The following APLP2 variants were observed in gnomAD, a reference collection of about 807,000 sequenced individuals.
APLP2 encodes the protein amyloid beta precursor like protein 2.
Under a neutral mutation model 89.9 loss-of-function variants are expected in APLP2, and 53 were observed. That is an observed-to-expected ratio of 0.59 (90% CI 0.47 to 0.74). The LOEUF is 0.74. Ranked by LOEUF, APLP2 falls within the 30% of genes least tolerant of loss-of-function variation. The probability of loss-of-function intolerance (pLI) is 0.00; values close to 1 mark genes in which losing one functional copy is unlikely to be tolerated. For missense variants in APLP2, 973 were observed against 975.9 expected, an observed-to-expected ratio of 1.00 and a Z score of 0.04; for synonymous variants, 372 against 348.6, an observed-to-expected ratio of 1.07 and a Z score of -0.75.
At chr11:130,132,096 G>A (rs1030062525) in intron 11 of APLP2, among the ~76,000 whole-genome samples, 2 of 152,058 alleles carry the variant, frequency 1.3e-5, no homozygotes, top group South Asian at 2.1e-4. Context: ...GCAGTCTCCC[G>A]CTCTGTGGTT....
chr11:130,111,661 G>T (rs900549657), intron 3 of APLP2, among the ~76,000 whole-genome samples: 1 of 152,102 alleles, frequency 6.6e-6, no homozygotes, highest in Non-Finnish European at 1.5e-5. Context: ...TAAAATATTC[G>T]TGAGGAGCAA....
At chr11:130,074,605 T>C (rs1433237638) in intron 1 of APLP2, among the ~76,000 whole-genome samples, 1 of 152,198 alleles carries the variant, frequency 6.6e-6, no homozygotes, top group Non-Finnish European at 1.5e-5. Flanking sequence ...ATTCTATAGG[T>C]AGTACATATT....
chr11:130,091,536 C>T (rs1466030169), intron 1 of APLP2, among the ~76,000 whole-genome samples: 7 of 134,246 alleles, frequency 5.2e-5, no homozygotes, highest in Admixed American at 1.5e-4. Flanking sequence ...GCTGGCCGGG[C>T]GGGGGGCTGA....
At chr11:130,135,352 C>G (rs57165964) in intron 12 of APLP2, among the ~76,000 whole-genome samples, 8,802 of 152,184 alleles carry the variant, frequency 0.058, 310 homozygotes, top group East Asian at 0.14. Context: ...GTGGATACCA[C>G]TTAACTGGAG....
At chr11:130,089,818 C>T (rs942120753) in intron 1 of APLP2, among the ~76,000 whole-genome samples, 3 of 152,242 alleles carry the variant, frequency 2.0e-5, no homozygotes, top group African/African-American at 7.2e-5. Context: ...GGCGCTCCCT[C>T]TGTGTGCATG....
At position 130,083,025 on chromosome 11, in the gene APLP2, TC is replaced by T. The variant is rs145369174; in HGVS notation, c.105+12944del. Among the ~76,000 whole-genome samples, 780 of 126,236 alleles carry T rather than the reference TC, an allele frequency of 6.2e-3. 47 individuals are homozygous for T. The highest frequency in any genetic ancestry group is 0.014 in the East Asian group (53 of 3,746). The allele number at this position is 126,236 out of a possible 152,430, so 82.8% of individuals were successfully genotyped here. A position where few individuals can be genotyped will look rare whatever the true frequency, so the allele number is the denominator to read the frequency against. ...ATATTAACCACTGAAACTTTTCTTTTCTTTTTTTTTTTTTTTTTTTTTTTTT... is the reference window on the plus strand; with the variant it reads ...ATATTAACCACTGAAACTTTTCTTTTTTTTTTTTTTTTTTTTTTTTTTTTT... On this transcript the variant is annotated intron_variant, in intron 1 of 16. Coordinates refer to ENST00000338167, the MANE Select transcript of APLP2 (RefSeq NM_001142276.2).
intron 1 of APLP2, among the ~76,000 whole-genome samples, chr11:130,101,211 C>G (rs1242727589): frequency 6.6e-6 from 1 of 152,240 alleles, no homozygotes; most frequent in Non-Finnish European, 1.5e-5. Context: ...GAGTCTCGCT[C>G]TGTCGCCCAG....
rs186353286 is a variant in APLP2, at chr11:130,105,609, T to C, written c.106-3820T>C. On this transcript the variant is annotated intron_variant, in intron 1 of 16. Coordinates refer to ENST00000338167, the MANE Select transcript of APLP2 (RefSeq NM_001142276.2). ...AAGAAAGTTTTGCAGTTGGGGACTCTTATGGCTATAACCACGAGTAATGGA... is the reference window on the plus strand; with the variant it reads ...AAGAAAGTTTTGCAGTTGGGGACTCCTATGGCTATAACCACGAGTAATGGA... Among the ~76,000 whole-genome samples, 5 of 152,304 alleles carry C rather than the reference T, an allele frequency of 3.3e-5. No individual in the cohort carries two copies. The East Asian group carries it at 9.6e-4, about 29-fold the overall frequency.
chr11:130,138,106 A>G (rs1035025626), intron 13 of APLP2, among the ~76,000 whole-genome samples: 1 of 152,218 alleles, frequency 6.6e-6, no homozygotes, highest in Non-Finnish European at 1.5e-5. Context: ...GTGTCACGGG[A>G]TCCCCCAGGT....
intron 1 of APLP2, chr11:130,100,120 A>ATTGTCAT: frequency 6.6e-6 from 1 of 152,360 alleles, no homozygotes; most frequent in East Asian, 1.9e-4. Flanking sequence ...TGTAGTTATT[A>ATTGTCAT]TTGTCATTAC....
At chr11:130,105,347 T>C (rs1591801290) in intron 1 of APLP2, among the ~76,000 whole-genome samples, 2 of 151,650 alleles carry the variant, frequency 1.3e-5, no homozygotes, top group South Asian at 4.2e-4. Context: ...GCCCAGGGGG[T>C]CGAGACTGTA....
chr11:130,085,671 C>T (rs1943998475), intron 1 of APLP2, among the ~76,000 whole-genome samples: 1 of 152,186 alleles, frequency 6.6e-6, no homozygotes, highest in Non-Finnish European at 1.5e-5. Flanking sequence ...CATTGTGCAA[C>T]CATCCCCGCT....
rs1018658590 is a variant in APLP2, at chr11:130,070,752, G to T, written c.105+670G>T. 5.6e-6 allele frequency: 8 copies of T among 1,428,022 alleles called. No homozygotes were observed. The African/African-American group carries it at 1.0e-4, about 19-fold the overall frequency. The allele number at this position is 1,428,022 out of a possible 1,614,324, so 88.5% of individuals were successfully genotyped here. A position where few individuals can be genotyped will look rare whatever the true frequency, so the allele number is the denominator to read the frequency against. On this transcript the variant is annotated intron_variant, in intron 1 of 16. Coordinates refer to ENST00000338167, the MANE Select transcript of APLP2 (RefSeq NM_001142276.2). ...GACCGAGGAAACCCGCTCTGGGTGC[G>T]TTGACCGCTTTCGTGAGGGTTTCAG...
intron 13 of APLP2, among the ~76,000 whole-genome samples, chr11:130,136,059 G>A (rs1011801503): frequency 5.9e-5 from 9 of 152,156 alleles, no homozygotes; most frequent in East Asian, 5.8e-4. Context: ...TTGCCCAGCC[G>A]TCTTGGGAGG....
At chr11:130,089,665 A>G (rs1313279236) in intron 1 of APLP2, among the ~76,000 whole-genome samples, 3 of 152,188 alleles carry the variant, frequency 2.0e-5, no homozygotes, top group Non-Finnish European at 2.9e-5. Context: ...ACAGAAATTT[A>G]TTGTTTCACT....
chr11:130,104,740 C>T (rs1224125001), intron 1 of APLP2, among the ~76,000 whole-genome samples: 3 of 151,716 alleles, frequency 2.0e-5, no homozygotes. Context: ...AGGCATAGGG[C>T]CTTCTACTTT....
intron 1 of APLP2, chr11:130,070,871 C>A: frequency 1.0e-6 from 1 of 982,420 alleles, no homozygotes; most frequent in Non-Finnish European, 1.3e-6. Flanking sequence ...GCTTCGAGGT[C>A]GCACCCTGAG....
chr11:130,108,343 T>G (rs976738058), intron 1 of APLP2, among the ~76,000 whole-genome samples: 4 of 151,554 alleles, frequency 2.6e-5, no homozygotes, highest in Non-Finnish European at 5.9e-5. Context: ...AATCTACAAA[T>G]AACTTAAACA....
In APLP2 at chr11:130,110,653, A is replaced by G. The variant is rs138645940; in HGVS notation, c.395A>G (p.Lys132Arg). 6.2e-6 allele frequency: 10 copies of G among 1,613,006 alleles called. No individual in the cohort carries two copies. Among genetic ancestry groups the G allele is most frequent in the South Asian group, 4.4e-5 (4 of 90,998 alleles). ...QCKSRFVTPF[K>R]CLVGEFVSDV... Reference sequence around the variant, plus strand: ...AAGAGTCGCTTTGTTACACCTTTCAAGTGTCTCGGTGAGTGTTCTTGGTTA... The same window carrying G: ...AAGAGTCGCTTTGTTACACCTTTCAGGTGTCTCGGTGAGTGTTCTTGGTTA... Residue 132 changes from lysine to arginine, a missense_variant, in exon 3 of 17, where the codon AAG (lysine) becomes AGG (arginine). Transcript: ENST00000338167.
Sources: allele counts gnomAD v4.1 joint callset (sites outside exome capture counted in the v4.1 genomes callset), GRCh38; gene constraint gnomAD v4.1.1; transcripts MANE v1.5; gene names NCBI Gene and HGNC (gene_info 2026-07-23, HGNC 2026-07-21).